SLC25A48: variants seen among roughly 807,000 people sequenced by gnomAD.
SLC25A48 encodes the protein CTC-321K16.1.
In SLC25A48, 29 loss-of-function variants were observed where a neutral mutation model predicts 32.2. The ratio of observed to expected loss-of-function variants is 0.90; its 90% CI spans 0.67 to 1.23. The LOEUF is 1.23. SLC25A48 is among the 50% of genes most tolerant of loss of function. SLC25A48 has a pLI of 0.00. For synonymous variants in SLC25A48, 164 were observed against 172.3 expected (o/e 0.95, Z 0.38); for missense variants, 399 against 422.7 (o/e 0.94, Z 0.49).
chr5:135,805,724 A>G (rs1333731711), intron 3 of SLC25A48, among the ~76,000 whole-genome samples: 1 of 151,682 alleles, frequency 6.6e-6, no homozygotes, highest in East Asian at 1.9e-4. Context: ...CAGTGGGTGT[A>G]CACCCTGTGA....
In SLC25A48 at chr5:135,728,005, C is replaced by T. The variant is rs1363595142; in HGVS notation, c.-520-84518C>T. Among the ~76,000 whole-genome samples the T allele has an allele frequency of 2.6e-5, 4 of 152,138 alleles. 1 individual carries two copies. Among genetic ancestry groups the T allele is most frequent in the Non-Finnish European group, 5.9e-5 (4 of 68,022 alleles). The stretch of plus-strand genomic sequence containing the variant: ...GCACGGTGGCTCACACCTGTAAACC[C>T]AGCACTTTGGGAGGCCGAGGCAGGT... On this transcript the variant is annotated intron_variant, in intron 3 of 10. Transcript: ENST00000646290.
In SLC25A48 at chr5:135,610,247, G is replaced by A. The variant is rs545779786; in HGVS notation, c.-848-18990G>A. 1.7e-4 allele frequency among the ~76,000 whole-genome samples: 26 copies of A among 152,276 alleles called. 1 individual carries two copies. Among genetic ancestry groups the A allele is most frequent in the African/African-American group, 6.3e-4 (26 of 41,558 alleles). ...TCTTCTCACTACACCTGACGGGGGTGCCCATCTCCCCTCTCTTGTACTTCT... is the reference window on the plus strand; with the variant it reads ...TCTTCTCACTACACCTGACGGGGGTACCCATCTCCCCTCTCTTGTACTTCT... On this transcript the variant is annotated intron_variant, in intron 1 of 10. Transcript: ENST00000646290.
chr5:135,650,830 C>G (rs1324502503), intron 3 of SLC25A48, among the ~76,000 whole-genome samples: 1 of 152,018 alleles, frequency 6.6e-6, no homozygotes, highest in South Asian at 2.1e-4. Flanking sequence ...GGCAGAGGAG[C>G]TCATTTTTTG....
intron 3 of SLC25A48, among the ~76,000 whole-genome samples, chr5:135,758,396 G>T (rs1319370748): frequency 1.3e-5 from 2 of 150,542 alleles, no homozygotes; most frequent in Non-Finnish European, 3.0e-5. Flanking sequence ...GATATTAATA[G>T]AATATTATCT....
intron 3 of SLC25A48, among the ~76,000 whole-genome samples, chr5:135,743,956 C>T (rs1050306336): frequency 6.6e-6 from 1 of 152,208 alleles, no homozygotes; most frequent in South Asian, 2.1e-4. Flanking sequence ...TGATGATGTC[C>T]ATCCATTACA....
chr5:135,643,830 C>G lies in SLC25A48; in HGVS notation c.-521+8874C>G, dbSNP rs150990111. Among the ~76,000 whole-genome samples, 24 of 152,324 alleles carry G rather than the reference C, an allele frequency of 1.6e-4. No homozygotes were observed. The East Asian group carries it at 4.4e-3, about 28-fold the overall frequency. On this transcript the variant is annotated intron_variant, in intron 3 of 10. Transcript: ENST00000646290. Reference sequence around the variant, plus strand: ...GCAGACATTTTCACCAGCATCATCACATTTAATCCTCCCAACAATGCCATG... The same window carrying G: ...GCAGACATTTTCACCAGCATCATCAGATTTAATCCTCCCAACAATGCCATG...
rs1182938498 is a variant in SLC25A48 at position 135,782,827 on chromosome 5, C to T, written c.-520-29696C>T. ...TCCCCTGTGATATTATTCCTAATATCCAGAGGGGAAGAGGATGATATTATT... is the reference window on the plus strand; with the variant it reads ...TCCCCTGTGATATTATTCCTAATATTCAGAGGGGAAGAGGATGATATTATT... On this transcript the variant is annotated intron_variant, in intron 3 of 10. Coordinates refer to the SLC25A48 transcript ENST00000646290. 1.7e-5 allele frequency among the ~76,000 whole-genome samples: 2 copies of T among 118,536 alleles called. 1 individual carries two copies. Among genetic ancestry groups the T allele is most frequent in the Admixed American group, 1.7e-4 (2 of 11,794 alleles). 77.8% of individuals were successfully genotyped at this position (118,536 alleles called of 152,430 possible).
At chr5:135,776,589 GGAT>G (rs55761368) in intron 3 of SLC25A48, among the ~76,000 whole-genome samples, 60,807 of 151,284 alleles carry the variant, frequency 0.4, 14,072 homozygotes, top group Non-Finnish European at 0.52. Context: ...GTGAGGGAGA[GGAT>G]GATATTACTC....
chr5:135,788,726 G>A (rs141210754), intron 3 of SLC25A48, among the ~76,000 whole-genome samples: 175 of 151,612 alleles, frequency 1.2e-3, no homozygotes, highest in South Asian at 4.8e-3. Context: ...CCCATGTGGC[G>A]GGAGGTGTAC....
At chr5:135,644,997 G>A (rs956805000) in intron 3 of SLC25A48, among the ~76,000 whole-genome samples, 3 of 152,144 alleles carry the variant, frequency 2.0e-5, no homozygotes, top group African/African-American at 7.2e-5. Flanking sequence ...AGGGGGATCC[G>A]CTTTCCTGTC....
intron 1 of SLC25A48, 70 bp from the exon 2 acceptor site, chr5:135,842,346 C>T: frequency 3.9e-6 from 6 of 1,541,864 alleles, no homozygotes; most frequent in Non-Finnish European, 5.4e-6. Flanking sequence ...CCTGTTTTGT[C>T]CCAAGAGCTG....
intron 3 of SLC25A48, among the ~76,000 whole-genome samples, chr5:135,669,553 CAG>C (rs780310850): frequency 1.3e-4 from 20 of 152,274 alleles, no homozygotes; most frequent in Admixed American, 2.6e-4. Context: ...GACCACGGCT[CAG>C]AGTTATCCTA....
At chr5:135,833,740 A>G (rs1758296854), upstream of SLC25A48, among the ~76,000 whole-genome samples, 1 of 152,164 alleles carries the variant, frequency 6.6e-6, no homozygotes, top group Non-Finnish European at 1.5e-5. Flanking sequence ...TGCTGCAGGA[A>G]GGTCCCTTCA....
intron 3 of SLC25A48, among the ~76,000 whole-genome samples, chr5:135,778,446 C>T (rs943371891): frequency 6.6e-6 from 1 of 151,634 alleles, no homozygotes; most frequent in Admixed American, 6.6e-5. Context: ...TGTACACCGC[C>T]ACCCCACCCC....
upstream of SLC25A48, among the ~76,000 whole-genome samples, chr5:135,830,141 T>C (rs1157340764): frequency 6.6e-6 from 1 of 152,096 alleles, no homozygotes; most frequent in Non-Finnish European, 1.5e-5. Context: ...GGCCAGCATC[T>C]CCTCCACGGC....
intron 3 of SLC25A48, among the ~76,000 whole-genome samples, chr5:135,766,599 A>G (rs1201084999): frequency 6.7e-6 from 1 of 150,246 alleles, no homozygotes; most frequent in African/African-American, 2.5e-5. Context: ...TTCCCATCCC[A>G]CGGAAGGTGG....
intron 1 of SLC25A48, among the ~76,000 whole-genome samples, chr5:135,841,652 AG>A (rs1220375607): frequency 2.0e-5 from 3 of 151,568 alleles, no homozygotes; most frequent in African/African-American, 4.8e-5. Flanking sequence ...GACAGGACAA[AG>A]AAAATCTGGC....
At chr5:135,834,658 C>G (rs935937681), upstream of SLC25A48, 14 of 609,700 alleles carry the variant, frequency 2.3e-5, no homozygotes, top group Admixed American at 3.3e-5. Context: ...CAGCCGCCCT[C>G]CGGCACTTGG....
intron 3 of SLC25A48, among the ~76,000 whole-genome samples, chr5:135,851,005 G>C (rs2126733027): frequency 6.6e-6 from 1 of 152,290 alleles, no homozygotes; most frequent in East Asian, 1.9e-4. Context: ...CTCCCTTCTT[G>C]AGAATCAGCA....
Sources: allele counts gnomAD v4.1 joint callset (sites outside exome capture counted in the v4.1 genomes callset), GRCh38; gene constraint gnomAD v4.1.1; transcripts MANE v1.5; gene names NCBI Gene and HGNC (gene_info 2026-07-23, HGNC 2026-07-21).